Variants in TMEM192 observed in about 807,000 individuals in gnomAD.
TMEM192 encodes the protein transmembrane protein 192.
Under a neutral mutation model 26.7 loss-of-function variants are expected in TMEM192, and 20 were observed. The observed-to-expected ratio is 0.75, with a 90% CI of 0.53 to 1.09. The LOEUF (loss-of-function observed/expected upper bound fraction) is 1.09, where lower values mean the gene tolerates loss of function less well. Among genes scored for constraint, TMEM192 ranks in the 50% least tolerant of loss-of-function variants. TMEM192 has a pLI of 0.00. For missense variants in TMEM192, 304 were observed against 322.6 expected (o/e 0.94, Z 0.44); for synonymous variants, 124 against 121.0 (o/e 1.02, Z -0.16).
intron 1 of TMEM192, among the ~76,000 whole-genome samples, chr4:165,108,126 TTTTTTTTTTTTTTG>T (rs1221083512): frequency 6.3e-5 from 4 of 63,152 alleles, no homozygotes; most frequent in Admixed American, 4.0e-4. Context: ...TTTTTTTTTT[TTTTTTTTTTTTTTG>T]GAGATGTAGT....
intron 1 of TMEM192, among the ~76,000 whole-genome samples, chr4:165,103,639 TG>T (rs70952702): frequency 0.67 from 101,398 of 151,158 alleles, 35,798 homozygotes; most frequent in Non-Finnish European, 0.78. Context: ...CTCAGCCTCC[TG>T]GGGTAGCTGG....
chr4:165,103,511 A>ATTTTTTTTTTTT (rs70952701), intron 1 of TMEM192, among the ~76,000 whole-genome samples: 1 of 95,220 alleles, frequency 1.1e-5, no homozygotes. Context: ...CACCCAGCTA[A>ATTTTTTTTTTTT]TTTTTTTTTT....
intron 1 of TMEM192, among the ~76,000 whole-genome samples, chr4:165,108,066 T>C (rs1735208246): frequency 6.6e-6 from 1 of 151,776 alleles, no homozygotes; most frequent in South Asian, 2.1e-4. Context: ...GGATGCCAGA[T>C]ATTGCAAATT....
At chr4:165,108,139 TGG>T (rs1735210103) in intron 1 of TMEM192, among the ~76,000 whole-genome samples, 4 of 18,294 alleles carry the variant, frequency 2.2e-4, no homozygotes, top group East Asian at 7.2e-3. Context: ...TTTTTTTTTT[TGG>T]AGATGTAGTC....
intron 3 of TMEM192, among the ~76,000 whole-genome samples, chr4:165,089,622 C>T (rs910367771): frequency 1.1e-4 from 16 of 152,072 alleles, no homozygotes; most frequent in African/African-American, 2.7e-4. Flanking sequence ...TGCACCCAGC[C>T]GAAAGTGACC....
chr4:165,071,671 AG>A lies in TMEM192; in HGVS notation c.*7986del, dbSNP rs1289039919. 6 of 152,292 alleles carry A rather than the reference AG, an allele frequency of 3.9e-5. No individual in the cohort carries two copies. Among genetic ancestry groups the A allele is most frequent in the Admixed American group, 3.9e-4 (6 of 15,258 alleles). The allele number at this position is 152,292 out of a possible 1,614,324, so 9.4% of individuals were successfully genotyped here. ...CAGGCAGAGGGAACAGCAACCGCAA[AG>A]GTCCTCAGGTAAGAATGTGCTTAGC... On this transcript the variant is annotated 3_prime_UTR_variant, in exon 6 of 6. Transcript: ENST00000306480.
chr4:165,086,418 CTTTTT>C (rs34384682), intron 4 of TMEM192, among the ~76,000 whole-genome samples: 3 of 123,300 alleles, frequency 2.4e-5, no homozygotes, highest in Non-Finnish European at 1.7e-5. Context: ...GGCATTTACA[CTTTTT>C]TTTTTTTTTT....
intron 3 of TMEM192, among the ~76,000 whole-genome samples, chr4:165,098,559 A>G (rs1424125691): frequency 1.4e-5 from 2 of 147,716 alleles, no homozygotes; most frequent in Non-Finnish European, 3.0e-5. Context: ...CAATCCTCCT[A>G]CCTTGGCCTC....
intron 1 of TMEM192, 134 bp downstream of exon 1, chr4:165,112,613 C>A (rs1472919324): frequency 3.0e-6 from 4 of 1,334,832 alleles, no homozygotes; most frequent in Non-Finnish European, 4.1e-6. Flanking sequence ...CCTCCCCGGG[C>A]ACAGGCGGCG....
Position 165,102,930 on chromosome 4 carries a change from C to G in TMEM192, c.174+20G>C. Reference sequence around the variant, plus strand: ...ACAAACATCACCTCTGGATAGGTCCCCTTCTTGCAGCCAACTTACATGAAT... The same window carrying G: ...ACAAACATCACCTCTGGATAGGTCCGCTTCTTGCAGCCAACTTACATGAAT... On this transcript the variant is annotated intron_variant, in intron 2 of 5. Coordinates refer to ENST00000306480, the MANE Select transcript of TMEM192 (RefSeq NM_001100389.2). The G allele has an allele frequency of 6.2e-7, 1 of 1,603,220 alleles. No individual in the cohort carries two copies. Among genetic ancestry groups the G allele is most frequent in the Middle Eastern group, 1.7e-4 (1 of 6,024 alleles).
intron 3 of TMEM192, among the ~76,000 whole-genome samples, 173 bp from the exon 4 acceptor site, chr4:165,088,775 A>G (rs1734684677): frequency 6.6e-6 from 1 of 152,100 alleles, no homozygotes; most frequent in African/African-American, 2.4e-5. Context: ...GCAGTGGCTC[A>G]CACCTGTAAT....
At chr4:165,098,688 A>T (rs1734970785) in intron 3 of TMEM192, among the ~76,000 whole-genome samples, 1 of 151,084 alleles carries the variant, frequency 6.6e-6, no homozygotes, top group Non-Finnish European at 1.5e-5. Flanking sequence ...GGAAGACTAC[A>T]TATGGATTCA....
Position 165,085,682 on chromosome 4 carries a change from A to T in TMEM192, c.581T>A (p.Ile194Asn). ...LICLLIYTVK[I>N]RRFNKAKPEP... ...TGGTTTAGCTTTATTAAATCTCCGG[A>T]TTTTCACTAAAATAATAAAGTCATT... The change falls in exon 5 of 6, where the codon ATC (isoleucine) becomes AAC (asparagine). Residue 194 changes from isoleucine to asparagine, a missense_variant. Ile to Asn is a moderately radical substitution (Grantham distance 149, BLOSUM62 -3). Transcript: ENST00000306480. 6.3e-7 allele frequency: 1 copy of T among 1,591,872 alleles called. No homozygotes were observed. The highest frequency in any genetic ancestry group is 1.1e-5 in the South Asian group (1 of 87,076).
Position 165,079,573 on chromosome 4 carries a change from A to T in TMEM192, c.*85T>A, listed in dbSNP as rs1734471462. 7.0e-7 allele frequency: 1 copy of T among 1,436,036 alleles called. No homozygotes were observed. The highest frequency in any genetic ancestry group is 2.3e-5 in the Admixed American group (1 of 43,246). 89.0% of individuals were successfully genotyped at this position (1,436,036 alleles called of 1,614,324 possible). ...TAAAATGCTATTCAGCAAAAGCTGCAGTTCCCCGTGGCAGCTTGTCAGGTG... is the reference window on the plus strand; with the variant it reads ...TAAAATGCTATTCAGCAAAAGCTGCTGTTCCCCGTGGCAGCTTGTCAGGTG... On this transcript the variant is annotated 3_prime_UTR_variant, in exon 6 of 6. Transcript: ENST00000306480.
intron 1 of TMEM192, among the ~76,000 whole-genome samples, chr4:165,105,216 C>G (rs1236406999): frequency 6.6e-6 from 1 of 152,216 alleles, no homozygotes; most frequent in African/African-American, 2.4e-5. Context: ...TCAACACTAT[C>G]TCATGGTTGT....
rs902525821 is a variant in TMEM192 at position 165,072,437 on chromosome 4, A to G, written c.*7221T>C. 3 of 151,014 alleles carry G rather than the reference A, an allele frequency of 2.0e-5. No homozygotes were observed. Among genetic ancestry groups the G allele is most frequent in the East Asian group, 2.0e-4 (1 of 5,128 alleles). 9.4% of individuals were successfully genotyped at this position (151,014 alleles called of 1,614,324 possible). On this transcript the variant is annotated 3_prime_UTR_variant, in exon 6 of 6. Transcript: ENST00000306480. ...CTGGGTGTGGTGGTATGTGCCGGTA[A>G]TCCCAGCTACTCAGGAGGCTGAAGC... is the stretch of plus-strand genomic sequence containing the variant.
At chr4:165,110,381 C>CA (rs1207105127) in intron 1 of TMEM192, among the ~76,000 whole-genome samples, 1 of 152,128 alleles carries the variant, frequency 6.6e-6, no homozygotes, top group Non-Finnish European at 1.5e-5. Flanking sequence ...GGTCATGGAA[C>CA]AAAAAACAGT....
chr4:165,100,568 C>A (rs1735014784), intron 3 of TMEM192, 60 bp downstream of exon 3: 1 of 1,542,896 alleles, frequency 6.5e-7, no homozygotes, highest in Middle Eastern at 1.7e-4. Context: ...TTCATATATT[C>A]TTTCTGCTGT....
intron 5 of TMEM192, among the ~76,000 whole-genome samples, chr4:165,081,461 G>T (rs1734518265): frequency 7.4e-6 from 1 of 134,890 alleles, no homozygotes; most frequent in African/African-American, 2.7e-5. Context: ...TCAGCTCACT[G>T]CAAACTCCGC....
Sources: gnomAD v4.1 joint callset for allele counts (sites outside exome capture counted in the v4.1 genomes callset) on GRCh38, gnomAD v4.1.1 for gene constraint, MANE v1.5 for transcripts, NCBI Gene and HGNC (gene_info 2026-07-23, HGNC 2026-07-21) for gene names.